The following UNC5D variants were observed in gnomAD, a reference collection of about 807,000 sequenced individuals.
The protein encoded by UNC5D is unc-5 netrin receptor D.
In UNC5D, 39 loss-of-function variants were observed where a neutral mutation model predicts 105.4. That is an observed-to-expected ratio of 0.37 (90% CI 0.29 to 0.48). The LOEUF (loss-of-function observed/expected upper bound fraction) is 0.48, where lower values mean the gene tolerates loss of function less well. UNC5D is among the 20% of genes least tolerant of loss of function. The probability of loss-of-function intolerance (pLI) is 0.98; values close to 1 mark genes in which losing one functional copy is unlikely to be tolerated. For missense variants in UNC5D, 991 were observed against 1,202.4 expected, an observed-to-expected ratio of 0.82 and a Z score of 2.60; for synonymous variants, 452 against 450.4, an observed-to-expected ratio of 1.00 and a Z score of -0.04.
Position 35,796,037 on chromosome 8 carries a change from G to A in UNC5D, c.*5474G>A, listed in dbSNP as rs143275679. On this transcript the variant is annotated 3_prime_UTR_variant, in exon 17 of 17. Coordinates refer to ENST00000404895, the MANE Select transcript of UNC5D (RefSeq NM_080872.4). ...TTCTGTTTATTTTGGGAAGGTGCGTGGGGGTGTTCTTTCAAGTGATTCACA... is the reference window on the plus strand; with the variant it reads ...TTCTGTTTATTTTGGGAAGGTGCGTAGGGGTGTTCTTTCAAGTGATTCACA... The A allele has an allele frequency of 6.6e-6, 1 of 152,068 alleles. No homozygotes were observed. The highest frequency in any genetic ancestry group is 2.4e-5 in the African/African-American group (1 of 41,398). The allele number at this position is 152,068 out of a possible 1,614,324, so 9.4% of individuals were successfully genotyped here.
intron 1 of UNC5D, among the ~76,000 whole-genome samples, chr8:35,416,838 A>C (rs769267072): frequency 9.9e-5 from 15 of 152,228 alleles, no homozygotes; most frequent in Admixed American, 2.6e-4. Flanking sequence ...TTTAGCACCC[A>C]TGATTCAACA....
chr8:35,600,502 G>A (rs1167047396), intron 4 of UNC5D, among the ~76,000 whole-genome samples: 1 of 152,162 alleles, frequency 6.6e-6, no homozygotes, highest in Non-Finnish European at 1.5e-5. Flanking sequence ...ATTCTAACTG[G>A]CGTGAGATTC....
At chr8:35,291,705 C>T (rs1807080659) in intron 1 of UNC5D, among the ~76,000 whole-genome samples, 1 of 152,164 alleles carries the variant, frequency 6.6e-6, no homozygotes. Flanking sequence ...TCTGATACCG[C>T]TTGATTCTAA....
At chr8:35,296,120 A>G (rs1807468008) in intron 1 of UNC5D, among the ~76,000 whole-genome samples, 3 of 152,226 alleles carry the variant, frequency 2.0e-5, no homozygotes. Context: ...TGCTACAGCG[A>G]TCATGGAAGT....
chr8:35,374,122 T>C (rs1487305939), intron 1 of UNC5D, among the ~76,000 whole-genome samples: 1 of 152,246 alleles, frequency 6.6e-6, no homozygotes, highest in African/African-American at 2.4e-5. Context: ...GTATTGATGA[T>C]ACTGCATTTC....
At chr8:35,496,017 A>G (rs1448617816) in intron 1 of UNC5D, among the ~76,000 whole-genome samples, 2 of 152,198 alleles carry the variant, frequency 1.3e-5, no homozygotes, top group Non-Finnish European at 2.9e-5. Flanking sequence ...ATAGTGGGGA[A>G]TGTTTAATTG....
At chr8:35,607,161 A>G (rs757280444) in intron 4 of UNC5D, among the ~76,000 whole-genome samples, 69 of 152,220 alleles carry the variant, frequency 4.5e-4, no homozygotes, top group Admixed American at 1.1e-3. Flanking sequence ...GCGCAGTCCA[A>G]TGTCAGTGAA....
intron 2 of UNC5D, among the ~76,000 whole-genome samples, chr8:35,557,784 T>C (rs1416744277): frequency 6.6e-6 from 1 of 151,970 alleles, no homozygotes; most frequent in East Asian, 1.9e-4. Context: ...CAGCTTGTGC[T>C]TCTGGTGTCA....
At chr8:35,494,876 T>G (rs563538458) in intron 1 of UNC5D, among the ~76,000 whole-genome samples, 1 of 152,348 alleles carries the variant, frequency 6.6e-6, no homozygotes, top group African/African-American at 2.4e-5. Flanking sequence ...TTTTTTTAAC[T>G]ATTTCATTAT....
intron 4 of UNC5D, among the ~76,000 whole-genome samples, chr8:35,609,940 C>T (rs1343439656): frequency 1.3e-5 from 2 of 152,190 alleles, no homozygotes; most frequent in Non-Finnish European, 2.9e-5. Flanking sequence ...ATTCTGTTAT[C>T]ACAAGACATA....
At chr8:35,571,833 A>G (rs2130800981) in intron 3 of UNC5D, among the ~76,000 whole-genome samples, 2 of 152,330 alleles carry the variant, frequency 1.3e-5, no homozygotes, top group East Asian at 3.9e-4. Flanking sequence ...GAGGATTTTG[A>G]TAGATGAATG....
At chr8:35,292,112 T>C (rs535074891) in intron 1 of UNC5D, among the ~76,000 whole-genome samples, 3 of 152,344 alleles carry the variant, frequency 2.0e-5, no homozygotes, top group African/African-American at 7.2e-5. Context: ...TCAAAATAGC[T>C]AGAAGGAATT....
intron 1 of UNC5D, among the ~76,000 whole-genome samples, chr8:35,439,935 G>A (rs536834640): frequency 4.6e-5 from 7 of 152,130 alleles, no homozygotes; most frequent in Admixed American, 4.6e-4. Context: ...TAAACTGAAG[G>A]AGGTAGTGAA....
intron 1 of UNC5D, among the ~76,000 whole-genome samples, chr8:35,482,939 A>G (rs746261184): frequency 6.6e-6 from 1 of 151,166 alleles, no homozygotes; most frequent in Non-Finnish European, 1.5e-5. Flanking sequence ...AGTAGCTGGG[A>G]TTACAGGCGC....
At chr8:35,631,466 G>C (rs974746097) in intron 4 of UNC5D, among the ~76,000 whole-genome samples, 1 of 152,216 alleles carries the variant, frequency 6.6e-6, no homozygotes, top group Non-Finnish European at 1.5e-5. Context: ...ACCATGCACT[G>C]CTGGGCAGTA....
chr8:35,663,180 T>C (rs1050121028), intron 4 of UNC5D, among the ~76,000 whole-genome samples: 3 of 152,162 alleles, frequency 2.0e-5, no homozygotes, highest in African/African-American at 4.8e-5. Context: ...GATACACCAA[T>C]GAATGGATTG....
chr8:35,313,012 A>G (rs1809014111), intron 1 of UNC5D, among the ~76,000 whole-genome samples: 1 of 152,218 alleles, frequency 6.6e-6, no homozygotes, highest in Admixed American at 6.5e-5. Context: ...GAGTAACCAC[A>G]TTAAAATAAC....
intron 1 of UNC5D, among the ~76,000 whole-genome samples, chr8:35,527,530 CTCTCCTGTT>C (rs1297002669): frequency 1.3e-5 from 2 of 151,956 alleles, no homozygotes; most frequent in African/African-American, 4.8e-5. Flanking sequence ...TGAAAAGAAG[CTCTCCTGTT>C]TCTCCTGTTT....
At chr8:35,323,188 CTTTTTTTT>C (rs67076001) in intron 1 of UNC5D, among the ~76,000 whole-genome samples, 30 of 125,922 alleles carry the variant, frequency 2.4e-4, no homozygotes, top group South Asian at 7.4e-4. Context: ...TTTTCTTTTT[CTTTTTTTT>C]TTTTTTTTTT....
Sources: gnomAD v4.1 joint callset for allele counts (sites outside exome capture counted in the v4.1 genomes callset) on GRCh38, gnomAD v4.1.1 for gene constraint, MANE v1.5 for transcripts, NCBI Gene and HGNC (gene_info 2026-07-23, HGNC 2026-07-21) for gene names.